MAP3K20: variants seen among roughly 807,000 people sequenced by gnomAD.
MAP3K20 encodes the protein HCCS-4.
Under a neutral mutation model 85.7 loss-of-function variants are expected in MAP3K20, and 40 were observed. The observed-to-expected ratio is 0.47, with a 90% CI of 0.36 to 0.61. The LOEUF (loss-of-function observed/expected upper bound fraction) is 0.61, where lower values mean the gene tolerates loss of function less well. MAP3K20 is among the 20% of genes least tolerant of loss of function. The probability of loss-of-function intolerance (pLI) is 0.00; values close to 1 mark genes in which losing one functional copy is unlikely to be tolerated. For synonymous variants in MAP3K20, 325 were observed against 327.7 expected, an observed-to-expected ratio of 0.99 and a Z score of 0.09; for missense variants, 817 against 961.7, an observed-to-expected ratio of 0.85 and a Z score of 1.99.
rs553793927 is a variant in MAP3K20 at position 173,247,989 on chromosome 2, G to A, written c.1359+8493G>A. 3.3e-5 allele frequency among the ~76,000 whole-genome samples: 5 copies of A among 152,302 alleles called. No homozygotes were observed. In the East Asian group the frequency reaches 7.7e-4, roughly 23 times the overall value. On this transcript the variant is annotated intron_variant, in intron 16 of 19. Transcript: ENST00000375213. ...GTTTTAAGAAGGGTGACATGAATAA[G>A]CATGAGGTAAGCGAAAGTCATTACA...
chr2:173,156,113 G>C (rs1322597417), intron 2 of MAP3K20, among the ~76,000 whole-genome samples: 1 of 152,156 alleles, frequency 6.6e-6, no homozygotes, highest in African/African-American at 2.4e-5. Context: ...GGGTTACACT[G>C]GGACCACCAC....
At chr2:173,167,334 A>C (rs925647483) in intron 2 of MAP3K20, among the ~76,000 whole-genome samples, 1 of 152,000 alleles carries the variant, frequency 6.6e-6, no homozygotes, top group African/African-American at 2.4e-5. Flanking sequence ...AATTTGGTTA[A>C]CCTCACACTT....
At chr2:173,097,758 A>G (rs1413017263) in intron 2 of MAP3K20, among the ~76,000 whole-genome samples, 1 of 152,240 alleles carries the variant, frequency 6.6e-6, no homozygotes, top group Non-Finnish European at 1.5e-5. Flanking sequence ...CAAACTGGTT[A>G]TAATAACAGG....
intron 2 of MAP3K20, among the ~76,000 whole-genome samples, chr2:173,107,238 T>C (rs1002210347): frequency 3.5e-4 from 53 of 152,118 alleles, no homozygotes; most frequent in Non-Finnish European, 8.8e-5. Context: ...CACCAAGCTC[T>C]GCAGAGCAAG....
At chr2:173,132,727 G>T (rs952734884) in intron 2 of MAP3K20, among the ~76,000 whole-genome samples, 9 of 152,148 alleles carry the variant, frequency 5.9e-5, no homozygotes, top group Middle Eastern at 3.2e-3. Context: ...TGTTGAATTT[G>T]AATCCATCTC....
Position 173,247,073 on chromosome 2 carries a change from C to T in MAP3K20, c.1359+7577C>T, listed in dbSNP as rs1051267761. 4.6e-5 allele frequency among the ~76,000 whole-genome samples: 7 copies of T among 152,214 alleles called. No individual in the cohort carries two copies. The South Asian group carries it at 8.3e-4, about 18-fold the overall frequency. On this transcript the variant is annotated intron_variant, in intron 16 of 19. Transcript: ENST00000375213. ...AGAGGACTTTCCTGCCCAGCCAACT[C>T]CCTCTCCTGCCTTCCACCCTTGCCA...
At chr2:173,163,776 C>A (rs952147026) in intron 2 of MAP3K20, among the ~76,000 whole-genome samples, 3 of 152,070 alleles carry the variant, frequency 2.0e-5, no homozygotes, top group Non-Finnish European at 4.4e-5. Flanking sequence ...TTCCATTACC[C>A]AGTAATGGAA....
chr2:173,110,979 A>G (rs1413162795), intron 2 of MAP3K20, among the ~76,000 whole-genome samples: 1 of 152,044 alleles, frequency 6.6e-6, no homozygotes, highest in Non-Finnish European at 1.5e-5. Context: ...TGGTAGTTCT[A>G]CTTTTAGTTC....
At chr2:173,250,984 A>G (rs74710470) in intron 16 of MAP3K20, among the ~76,000 whole-genome samples, 1 of 152,212 alleles carries the variant, frequency 6.6e-6, no homozygotes, top group Non-Finnish European at 1.5e-5. Context: ...AGGTGCTATC[A>G]CGGGATGTTC....
intron 16 of MAP3K20, 45 bp from the exon 17 acceptor site, chr2:173,258,654 A>T (rs1328614575): frequency 5.0e-6 from 6 of 1,197,206 alleles, no homozygotes; most frequent in Middle Eastern, 2.4e-4. Context: ...TAAAAAAAAA[A>T]TTGTTTCACT....
intron 1 of MAP3K20, among the ~76,000 whole-genome samples, chr2:173,086,638 G>A (rs1330153087): frequency 6.6e-6 from 1 of 152,170 alleles, no homozygotes; most frequent in South Asian, 2.1e-4. Context: ...TGAAGAACCT[G>A]GCTAGTTGCC....
intron 9 of MAP3K20, among the ~76,000 whole-genome samples, chr2:173,205,885 T>C (rs906856053): frequency 2.0e-5 from 3 of 152,184 alleles, no homozygotes; most frequent in Non-Finnish European, 2.9e-5. Flanking sequence ...AGAATGGGGA[T>C]TTTTAAGCAT....
chr2:173,235,829 T>G (rs1684634853), intron 14 of MAP3K20, among the ~76,000 whole-genome samples: 1 of 152,178 alleles, frequency 6.6e-6, no homozygotes, highest in Non-Finnish European at 1.5e-5. Flanking sequence ...CTAGGAAGCT[T>G]TCTGTCTTTG....
At chr2:173,202,455 C>G (rs1057501274) in intron 8 of MAP3K20, among the ~76,000 whole-genome samples, 2 of 152,164 alleles carry the variant, frequency 1.3e-5, no homozygotes, top group African/African-American at 4.8e-5. Flanking sequence ...GCAAACAGAA[C>G]TGTGGAATAA....
At chr2:173,102,745 A>G (rs1270744062) in intron 2 of MAP3K20, among the ~76,000 whole-genome samples, 1 of 152,210 alleles carries the variant, frequency 6.6e-6, no homozygotes, top group African/African-American at 2.4e-5. Context: ...ATCTCACGAC[A>G]TTTTAAAAAC....
intron 2 of MAP3K20, among the ~76,000 whole-genome samples, chr2:173,157,323 CTTT>C (rs34277580): frequency 2.8e-5 from 4 of 143,306 alleles, no homozygotes. Context: ...GGTTTGGTAC[CTTT>C]TTTTTTTTTT....
At chr2:173,167,126 A>G (rs1368513347) in intron 2 of MAP3K20, among the ~76,000 whole-genome samples, 1 of 151,874 alleles carries the variant, frequency 6.6e-6, no homozygotes, top group Non-Finnish European at 1.5e-5. Flanking sequence ...CATATTAGCC[A>G]GGATGGTCTC....
At chr2:173,168,301 T>G (rs1407686678) in intron 2 of MAP3K20, among the ~76,000 whole-genome samples, 1 of 152,098 alleles carries the variant, frequency 6.6e-6, no homozygotes, top group Non-Finnish European at 1.5e-5. Context: ...AGGAATTGTT[T>G]GATTAAGCAG....
At chr2:173,084,928 T>G (rs921020658) in intron 1 of MAP3K20, among the ~76,000 whole-genome samples, 4 of 152,208 alleles carry the variant, frequency 2.6e-5, no homozygotes, top group Non-Finnish European at 5.9e-5. Context: ...TGCTCATAGA[T>G]CTCTCTAGTA....
Sources: gnomAD v4.1 joint callset for allele counts (sites outside exome capture counted in the v4.1 genomes callset) on GRCh38, gnomAD v4.1.1 for gene constraint, MANE v1.5 for transcripts, NCBI Gene and HGNC (gene_info 2026-07-23, HGNC 2026-07-21) for gene names.